SPIDR: variants seen among roughly 807,000 people sequenced by gnomAD.
The protein encoded by SPIDR is DNA repair-scaffolding protein.
SPIDR carries 93 observed loss-of-function variants against 104.6 expected under a neutral mutation model. The ratio of observed to expected loss-of-function variants is 0.89; its 90% CI spans 0.75 to 1.06. SPIDR has a LOEUF of 1.06. Among genes scored for constraint, SPIDR ranks in the 50% least tolerant of loss-of-function variants. The pLI, the probability that SPIDR is intolerant of heterozygous loss-of-function variation, is 0.00. For missense variants in SPIDR, 1,154 were observed against 1,111.2 expected (o/e 1.04, Z -0.55); for synonymous variants, 431 against 416.9 (o/e 1.03, Z -0.41).
At chr8:47,643,023 T>C (rs2069455779) in intron 10 of SPIDR, among the ~76,000 whole-genome samples, 1 of 152,284 alleles carries the variant, frequency 6.6e-6, no homozygotes, top group African/African-American at 2.4e-5. Flanking sequence ...TGGACTGTTA[T>C]TGATTGAATC....
At chr8:47,512,724 G>C (rs964973726) in intron 8 of SPIDR, among the ~76,000 whole-genome samples, 3 of 151,942 alleles carry the variant, frequency 2.0e-5, no homozygotes, top group African/African-American at 7.3e-5. Flanking sequence ...AGCTTCCAAA[G>C]AAGAAAAAAA....
In SPIDR at chr8:47,358,793, C is replaced by T. The variant is rs139837947; in HGVS notation, c.526-37583C>T. 2.3e-4 allele frequency among the ~76,000 whole-genome samples: 35 copies of T among 152,196 alleles called. No homozygotes were observed. In the East Asian group the frequency reaches 4.6e-3, roughly 20 times the overall value. On this transcript the variant is annotated intron_variant, in intron 5 of 19. Transcript: ENST00000297423. ...ATTTTCTGCTTTTATGGGCTTTAGT[C>T]CTGCCCATTGGTATTTACATTTAGG... is the stretch of plus-strand genomic sequence containing the variant.
chr8:47,717,454 G>A (rs2082736137), intron 16 of SPIDR, among the ~76,000 whole-genome samples: 1 of 152,220 alleles, frequency 6.6e-6, no homozygotes. Flanking sequence ...TGTCTCATGA[G>A]AAAATGTGTA....
At chr8:47,373,895 C>G (rs782618633) in intron 5 of SPIDR, among the ~76,000 whole-genome samples, 1 of 152,198 alleles carries the variant, frequency 6.6e-6, no homozygotes, top group East Asian at 1.9e-4. Flanking sequence ...GTGGTAAGTA[C>G]TTACCCCTGA....
At chr8:47,531,883 G>T (rs1417857588) in intron 8 of SPIDR, among the ~76,000 whole-genome samples, 4 of 152,036 alleles carry the variant, frequency 2.6e-5, no homozygotes, top group Non-Finnish European at 5.9e-5. Context: ...GAAAAAAATA[G>T]AATCATATAA....
At chr8:47,507,872 C>T (rs944349958) in intron 8 of SPIDR, among the ~76,000 whole-genome samples, 28 of 152,188 alleles carry the variant, frequency 1.8e-4, no homozygotes, top group African/African-American at 4.3e-4. Flanking sequence ...AACCTTGGGA[C>T]TTCCCACTCT....
chr8:47,685,505 A>ATTTT lies in SPIDR; in HGVS notation c.1685+11567_1685+11568insTTTT, dbSNP rs201735323. The stretch of plus-strand genomic sequence containing the variant: ...TATTTATTTATTTATTTATTTATTT[A>ATTTT]TTTATTTATTTATTTTTTTGAGACA... On this transcript the variant is annotated intron_variant, in intron 11 of 19. Transcript: ENST00000297423. Among the ~76,000 whole-genome samples the ATTTT allele has an allele frequency of 4.9e-3, 509 of 104,296 alleles. 16 individuals carry two copies. The highest frequency in any genetic ancestry group is 8.4e-3 in the Non-Finnish European group (349 of 41,544). The allele number at this position is 104,296 out of a possible 152,430, so 68.4% of individuals were successfully genotyped here.
intron 8 of SPIDR, among the ~76,000 whole-genome samples, chr8:47,463,085 G>A (rs1478582396): frequency 5.3e-5 from 8 of 152,024 alleles, no homozygotes; most frequent in Non-Finnish European, 7.4e-5. Flanking sequence ...ATGGCCGGGC[G>A]CGGTGACTCA....
intron 7 of SPIDR, among the ~76,000 whole-genome samples, chr8:47,420,649 C>G (rs2065266920): frequency 6.6e-6 from 1 of 152,086 alleles, no homozygotes; most frequent in Non-Finnish European, 1.5e-5. Context: ...GAATTTGATC[C>G]CGTCATTATG....
intron 5 of SPIDR, among the ~76,000 whole-genome samples, chr8:47,380,429 G>A (rs1451557851): frequency 6.6e-6 from 1 of 152,148 alleles, no homozygotes; most frequent in Non-Finnish European, 1.5e-5. Context: ...GTGTTGCTGG[G>A]CGGGGCCTGC....
At chr8:47,713,125 G>A in intron 15 of SPIDR, 1 of 946,164 alleles carries the variant, frequency 1.1e-6, no homozygotes, top group Non-Finnish European at 1.5e-6. Context: ...TACTGCTGCA[G>A]ACTCCACAAA....
intron 8 of SPIDR, among the ~76,000 whole-genome samples, chr8:47,502,825 T>C (rs1356261873): frequency 2.0e-5 from 3 of 152,242 alleles, no homozygotes; most frequent in Non-Finnish European, 4.4e-5. Flanking sequence ...CCAGAGATTC[T>C]GGTATGTTGT....
At chr8:47,473,614 C>T (rs375620664) in intron 8 of SPIDR, among the ~76,000 whole-genome samples, 5 of 152,320 alleles carry the variant, frequency 3.3e-5, no homozygotes, top group East Asian at 1.9e-4. Flanking sequence ...GCCTTCCACA[C>T]GCGTCTATTT....
At chr8:47,664,691 T>G (rs1054198650) in intron 10 of SPIDR, among the ~76,000 whole-genome samples, 5 of 139,032 alleles carry the variant, frequency 3.6e-5, no homozygotes, top group African/African-American at 5.4e-5. Context: ...GTGGATCACT[T>G]CAGCTCAGGA....
intron 11 of SPIDR, among the ~76,000 whole-genome samples, chr8:47,695,245 T>C (rs951929608): frequency 4.6e-5 from 7 of 152,128 alleles, no homozygotes; most frequent in African/African-American, 1.4e-4. Flanking sequence ...TAAGAATGAC[T>C]AGTCTAAAGT....
At chr8:47,414,856 T>C (rs1346476924) in intron 7 of SPIDR, among the ~76,000 whole-genome samples, 3 of 152,190 alleles carry the variant, frequency 2.0e-5, no homozygotes, top group Non-Finnish European at 4.4e-5. Context: ...TGATTTAAAA[T>C]GTTGGAATGT....
At chr8:47,689,306 C>G (rs1563551533) in intron 11 of SPIDR, among the ~76,000 whole-genome samples, 2 of 152,224 alleles carry the variant, frequency 1.3e-5, no homozygotes, top group Non-Finnish European at 2.9e-5. Context: ...AACCAGAACA[C>G]TCCCAGCAGA....
chr8:47,620,008 C>T (rs1276510668), intron 10 of SPIDR, among the ~76,000 whole-genome samples: 1 of 152,142 alleles, frequency 6.6e-6, no homozygotes, highest in Admixed American at 6.5e-5. Context: ...GCTGAAGGAG[C>T]CCACTATCTT....
chr8:47,312,289 C>T (rs1280587581), intron 5 of SPIDR, among the ~76,000 whole-genome samples: 8 of 152,182 alleles, frequency 5.3e-5, no homozygotes, highest in East Asian at 3.9e-4. Flanking sequence ...CCTGAGGAAT[C>T]GCCACACTGA....
Sources: allele counts gnomAD v4.1 joint callset (sites outside exome capture counted in the v4.1 genomes callset), GRCh38; gene constraint gnomAD v4.1.1; transcripts MANE v1.5; gene names NCBI Gene and HGNC (gene_info 2026-07-23, HGNC 2026-07-21).